The following BCL2 variants were observed in gnomAD, a reference collection of about 807,000 sequenced individuals.
BCL2 encodes the protein apoptosis regulator Bcl-2.
Under a neutral mutation model 14.2 loss-of-function variants are expected in BCL2, and 1 was observed. The observed-to-expected ratio is 0.07, with a 90% CI of 0.02 to 0.33. BCL2 has a LOEUF of 0.33. BCL2 is among the 10% of genes least tolerant of loss of function. The probability of loss-of-function intolerance (pLI) is 0.99; values close to 1 mark genes in which losing one functional copy is unlikely to be tolerated. For missense variants in BCL2, 247 were observed against 305.9 expected, an observed-to-expected ratio of 0.81 and a Z score of 1.44; for synonymous variants, 151 against 137.2, an observed-to-expected ratio of 1.10 and a Z score of -0.70.
chr18:63,280,277 C>G (rs1415342635), intron 2 of BCL2, among the ~76,000 whole-genome samples: 2 of 152,168 alleles, frequency 1.3e-5, no homozygotes, highest in African/African-American at 4.8e-5. Flanking sequence ...GTTATTTAAA[C>G]TTTCAAAGCC....
At chr18:63,186,641 C>T (rs566562259) in intron 2 of BCL2, among the ~76,000 whole-genome samples, 66 of 152,260 alleles carry the variant, frequency 4.3e-4, no homozygotes, top group African/African-American at 1.4e-3. Flanking sequence ...CATTGGCACA[C>T]GTGAATTTCC....
intron 2 of BCL2, chr18:63,314,665 TG>T (rs1047224140): frequency 6.6e-6 from 1 of 152,212 alleles, no homozygotes; most frequent in African/African-American, 2.4e-5. Context: ...CTCAATCCCT[TG>T]CCTGCAAGAG....
intron 2 of BCL2, among the ~76,000 whole-genome samples, chr18:63,183,447 C>T (rs1915522854): frequency 6.6e-6 from 1 of 152,144 alleles, no homozygotes; most frequent in Admixed American, 6.5e-5. Context: ...GTTTGGGACA[C>T]AGGACTTGCT....
At position 63,167,937 on chromosome 18, in the gene BCL2, AAAAT is replaced by A. The variant is rs1476448466; in HGVS notation, c.586-39182_586-39179del. 4.6e-5 allele frequency among the ~76,000 whole-genome samples: 7 copies of A among 151,476 alleles called. No individual in the cohort carries two copies. In the South Asian group the frequency reaches 1.3e-3, roughly 27 times the overall value. On this transcript the variant is annotated intron_variant, in intron 2 of 2. Transcript: ENST00000333681. ...TGAGACTCCGTCTCAAAAAAAAAAA[AAAAT>A]AAATAAAGGAATTAGCAGGACTGAG...
At chr18:63,214,949 C>T (rs1910156987) in intron 2 of BCL2, among the ~76,000 whole-genome samples, 1 of 152,060 alleles carries the variant, frequency 6.6e-6, no homozygotes, top group Non-Finnish European at 1.5e-5. Context: ...CCTCAAGTGA[C>T]CCACCTGCCT....
intron 2 of BCL2, among the ~76,000 whole-genome samples, chr18:63,239,739 CA>C (rs113619764): frequency 0.14 from 17,236 of 120,238 alleles, 1,003 homozygotes; most frequent in South Asian, 0.23. Context: ...GACTCTGTCT[CA>C]AAAAAAAAAA....
At chr18:63,235,646 G>A (rs535596496) in intron 2 of BCL2, among the ~76,000 whole-genome samples, 243 of 151,532 alleles carry the variant, frequency 1.6e-3, no homozygotes, top group Non-Finnish European at 2.7e-3. Context: ...TGACTGTGAC[G>A]TTCAGGGAAG....
intron 2 of BCL2, among the ~76,000 whole-genome samples, chr18:63,309,697 A>G (rs1187281086): frequency 1.3e-5 from 2 of 152,046 alleles, no homozygotes; most frequent in Non-Finnish European, 2.9e-5. Flanking sequence ...TCCTTTCAAC[A>G]TCCCTGGTAC....
chr18:63,199,959 C>T (rs989139191), intron 2 of BCL2, among the ~76,000 whole-genome samples: 1 of 152,150 alleles, frequency 6.6e-6, no homozygotes, highest in Non-Finnish European at 1.5e-5. Context: ...CGCACACACA[C>T]ACACACGAAG....
chr18:63,312,923 G>A (rs1913377204), intron 2 of BCL2, among the ~76,000 whole-genome samples: 1 of 152,098 alleles, frequency 6.6e-6, no homozygotes, highest in Admixed American at 6.6e-5. Flanking sequence ...TTTAACAAGG[G>A]AACTCCCCCT....
chr18:63,319,250 A>T lies in BCL2; in HGVS notation c.-363T>A, dbSNP rs1188650504. ...ACCAAAACAAATGCATAAGGCAACG[A>T]TCCCATCAATCTTCAGCACTCTCCA... On this transcript the variant is annotated 5_prime_UTR_variant, in exon 1 of 3. Coordinates refer to ENST00000333681, the MANE Select transcript of BCL2 (RefSeq NM_000633.3). 1 of 237,554 alleles carries T rather than the reference A, an allele frequency of 4.2e-6. No homozygotes were observed. The highest frequency in any genetic ancestry group is 6.2e-5 in the East Asian group (1 of 16,254). The allele number at this position is 237,554 out of a possible 1,614,324, so 14.7% of individuals were successfully genotyped here.
At position 63,124,868 on chromosome 18, in the gene BCL2, G is replaced by A. The variant is rs983691956; in HGVS notation, c.*3757C>T. The A allele has an allele frequency of 6.2e-5, 14 of 227,168 alleles. No individual in the cohort carries two copies. The highest frequency in any genetic ancestry group is 3.1e-4 in the African/African-American group (14 of 44,968). 14.1% of individuals were successfully genotyped at this position (227,168 alleles called of 1,614,324 possible). A position where few individuals can be genotyped will look rare whatever the true frequency, so the allele number is the denominator to read the frequency against. On this transcript the variant is annotated 3_prime_UTR_variant, in exon 3 of 3. Transcript: ENST00000333681. ...GCCTTTCCTGTTTTTCTCTGATAGAGTAGGTGTACATTACTAACTATAAGT... is the reference window on the plus strand; with the variant it reads ...GCCTTTCCTGTTTTTCTCTGATAGAATAGGTGTACATTACTAACTATAAGT...
rs75912154 is a variant in BCL2 at position 63,257,542 on chromosome 18, G to A, written c.585+60540C>T. Among the ~76,000 whole-genome samples, 418 of 152,304 alleles carry A rather than the reference G, an allele frequency of 2.7e-3. 5 individuals carry two copies. Among genetic ancestry groups the A allele is most frequent in the African/African-American group, 9.8e-3 (406 of 41,576 alleles). ...ACTGTTTATTGGTTTTCAACTTTCA[G>A]ATCCTATCAATAGAAGCTGTAGACA... is the stretch of plus-strand genomic sequence containing the variant. On this transcript the variant is annotated intron_variant, in intron 2 of 2. Transcript: ENST00000333681.
At chr18:63,178,494 CA>C (rs982032780) in intron 2 of BCL2, among the ~76,000 whole-genome samples, 2 of 152,160 alleles carry the variant, frequency 1.3e-5, no homozygotes, top group African/African-American at 4.8e-5. Flanking sequence ...TTTGGGAAAA[CA>C]ATTACCTGCC....
intron 2 of BCL2, among the ~76,000 whole-genome samples, chr18:63,199,237 GCA>G (rs1380881769): frequency 3.7e-5 from 5 of 135,446 alleles, no homozygotes; most frequent in Non-Finnish European, 7.9e-5. Context: ...CACAACACAT[GCA>G]CACAGAAACA....
intron 2 of BCL2, among the ~76,000 whole-genome samples, chr18:63,211,170 C>A (rs1909993143): frequency 6.9e-6 from 1 of 145,090 alleles, no homozygotes. Flanking sequence ...TCCTGGGTTC[C>A]AGCGATTCTC....
In BCL2 at chr18:63,229,180, T is replaced by A. The variant is rs1463256756; in HGVS notation, c.585+88902A>T. Among the ~76,000 whole-genome samples the A allele has an allele frequency of 2.0e-5, 3 of 152,260 alleles. No homozygotes were observed. In the East Asian group the frequency reaches 5.8e-4, roughly 29 times the overall value. On this transcript the variant is annotated intron_variant, in intron 2 of 2. Transcript: ENST00000333681. ...ATTATAGTGGGAGATTTTATTTATT[T>A]ATTTATTTATATTTTATTTTTTATG...
At chr18:63,142,381 C>A (rs1037648325) in intron 2 of BCL2, among the ~76,000 whole-genome samples, 32 of 152,248 alleles carry the variant, frequency 2.1e-4, no homozygotes, top group African/African-American at 7.0e-4. Context: ...GGAAGCTCCA[C>A]ACTGCATTAG....
chr18:63,221,228 T>G (rs1910383587), intron 2 of BCL2, among the ~76,000 whole-genome samples: 1 of 152,238 alleles, frequency 6.6e-6, no homozygotes, highest in South Asian at 2.1e-4. Context: ...TAAATGCCTT[T>G]TGATCTCTGG....
Sources: allele counts gnomAD v4.1 joint callset (sites outside exome capture counted in the v4.1 genomes callset), GRCh38; gene constraint gnomAD v4.1.1; transcripts MANE v1.5; gene names NCBI Gene and HGNC (gene_info 2026-07-23, HGNC 2026-07-21).